Variants in MARCHF8 observed in about 807,000 individuals in gnomAD.
The protein encoded by MARCHF8 is E3 ubiquitin-protein ligase MARCHF8.
In MARCHF8, 40 loss-of-function variants were observed where a neutral mutation model predicts 51.6. The ratio of observed to expected loss-of-function variants is 0.77; its 90% CI spans 0.60 to 1.01. The LOEUF (loss-of-function observed/expected upper bound fraction) is 1.01, where lower values mean the gene tolerates loss of function less well. Ranked by LOEUF, MARCHF8 falls within the 50% of genes least tolerant of loss-of-function variation. MARCHF8 has a pLI of 0.00. For synonymous variants in MARCHF8, 263 were observed against 280.3 expected (o/e 0.94, Z 0.62); for missense variants, 685 against 708.6 (o/e 0.97, Z 0.38).
At chr10:45,592,465 G>C (rs920332482) in intron 1 of MARCHF8, among the ~76,000 whole-genome samples, 27 of 152,000 alleles carry the variant, frequency 1.8e-4, no homozygotes, top group African/African-American at 6.0e-4. Context: ...TGTCTTTTAC[G>C]GGGGGGAAAA....
At chr10:45,584,913 G>A (rs2044602349) in intron 1 of MARCHF8, among the ~76,000 whole-genome samples, 1 of 152,206 alleles carries the variant, frequency 6.6e-6, no homozygotes, top group Non-Finnish European at 1.5e-5. Flanking sequence ...CTAACATCCA[G>A]CAAGGACACA....
intron 1 of MARCHF8, among the ~76,000 whole-genome samples, chr10:45,587,456 C>T (rs772633591): frequency 1.3e-5 from 2 of 152,062 alleles, no homozygotes; most frequent in African/African-American, 4.8e-5. Context: ...AGAGCTATAC[C>T]ATGTTCATGT....
At chr10:45,546,857 ACATATCC>A (rs2044129883) in intron 1 of MARCHF8, among the ~76,000 whole-genome samples, 1 of 152,170 alleles carries the variant, frequency 6.6e-6, no homozygotes, top group Admixed American at 6.5e-5. Flanking sequence ...AGACATACAA[ACATATCC>A]CACAGACTAA....
At chr10:45,489,307 T>C in intron 3 of MARCHF8, 60 bp downstream of exon 3, 2 of 1,272,186 alleles carry the variant, frequency 1.6e-6, no homozygotes, top group Non-Finnish European at 2.3e-6. Flanking sequence ...TAAACACATG[T>C]AAGGCATAAG....
chr10:45,464,643 C>T (rs188117932), intron 3 of MARCHF8, among the ~76,000 whole-genome samples: 45 of 152,178 alleles, frequency 3.0e-4, no homozygotes, highest in Non-Finnish European at 5.3e-4. Context: ...AAACGAAGTA[C>T]TAGAAGGTAT....
chr10:45,551,949 G>A (rs2044200569), intron 1 of MARCHF8, among the ~76,000 whole-genome samples: 1 of 151,934 alleles, frequency 6.6e-6, no homozygotes, highest in Non-Finnish European at 1.5e-5. Flanking sequence ...TTCCTTGCAG[G>A]GTACAAAGCC....
intron 1 of MARCHF8, among the ~76,000 whole-genome samples, chr10:45,550,656 ATCT>A (rs905062550): frequency 6.6e-6 from 1 of 152,090 alleles, no homozygotes; most frequent in African/African-American, 2.4e-5. Context: ...GGCAGGACAA[ATCT>A]TCTCAAGGAC....
chr10:45,565,014 G>T (rs1376720306), intron 1 of MARCHF8, among the ~76,000 whole-genome samples: 5 of 148,524 alleles, frequency 3.4e-5, no homozygotes, highest in Non-Finnish European at 7.4e-5. Flanking sequence ...AATACTGGAA[G>T]TGTTAAATGT....
intron 3 of MARCHF8, among the ~76,000 whole-genome samples, chr10:45,466,753 G>A (rs1463734076): frequency 2.6e-5 from 4 of 152,136 alleles, no homozygotes; most frequent in African/African-American, 9.7e-5. Flanking sequence ...TCCTGGGTCC[G>A]GGAGGCAGGT....
chr10:45,571,016 C>G (rs537715571), intron 1 of MARCHF8, among the ~76,000 whole-genome samples: 11 of 152,234 alleles, frequency 7.2e-5, no homozygotes, highest in African/African-American at 2.6e-4. Flanking sequence ...AATCACAATT[C>G]CAACCATATT....
At chr10:45,474,550 G>T (rs1161980548) in intron 3 of MARCHF8, among the ~76,000 whole-genome samples, 24 of 151,956 alleles carry the variant, frequency 1.6e-4, no homozygotes, top group African/African-American at 5.6e-4. Flanking sequence ...ATATAATGAA[G>T]AACATGCTTT....
chr10:45,458,803 C>G (rs541028760), intron 7 of MARCHF8, among the ~76,000 whole-genome samples: 19 of 152,300 alleles, frequency 1.2e-4, no homozygotes, highest in Admixed American at 3.3e-4. Flanking sequence ...AAGCCTGCAC[C>G]ACTGACCAAT....
intron 2 of MARCHF8, among the ~76,000 whole-genome samples, chr10:45,531,489 GT>G (rs1243001258): frequency 2.0e-5 from 3 of 151,864 alleles, no homozygotes; most frequent in African/African-American, 4.8e-5. Flanking sequence ...ATATTCTAGG[GT>G]TTAAAATTTA....
chr10:45,504,263 T>G (rs1375032349), intron 2 of MARCHF8, among the ~76,000 whole-genome samples: 2 of 152,286 alleles, frequency 1.3e-5, no homozygotes, highest in East Asian at 3.9e-4. Flanking sequence ...CTGACCAACA[T>G]GTAGAAACCC....
chr10:45,546,965 G>A (rs957642053), intron 1 of MARCHF8, among the ~76,000 whole-genome samples: 2 of 152,086 alleles, frequency 1.3e-5, no homozygotes, highest in African/African-American at 4.8e-5. Context: ...GCTTGTATCT[G>A]TAGTCCCAGC....
intron 2 of MARCHF8, among the ~76,000 whole-genome samples, chr10:45,527,910 A>T (rs1304072815): frequency 6.6e-6 from 1 of 152,222 alleles, no homozygotes; most frequent in East Asian, 1.9e-4. Context: ...CACCACAATC[A>T]AGTGGGTTAT....
intron 1 of MARCHF8, among the ~76,000 whole-genome samples, chr10:45,567,096 A>G (rs1347493544): frequency 6.6e-6 from 1 of 152,180 alleles, no homozygotes; most frequent in Non-Finnish European, 1.5e-5. Context: ...GTCTACTAGA[A>G]TCTTTTGCCC....
intron 1 of MARCHF8, among the ~76,000 whole-genome samples, chr10:45,541,455 G>C (rs2044051379): frequency 6.6e-6 from 1 of 152,146 alleles, no homozygotes; most frequent in Admixed American, 6.5e-5. Flanking sequence ...AGCATTAGGA[G>C]ATATACCTAA....
intron 2 of MARCHF8, among the ~76,000 whole-genome samples, chr10:45,530,812 C>T (rs939242775): frequency 3.9e-5 from 6 of 152,038 alleles, no homozygotes; most frequent in African/African-American, 1.4e-4. Context: ...GAAAATAAAA[C>T]TGACCGAAGT....
Sources: allele counts gnomAD v4.1 joint callset (sites outside exome capture counted in the v4.1 genomes callset), GRCh38; gene constraint gnomAD v4.1.1; transcripts MANE v1.5; gene names NCBI Gene and HGNC (gene_info 2026-07-23, HGNC 2026-07-21).